AKT3: variants seen among roughly 807,000 people sequenced by gnomAD.
AKT3 encodes the protein AKT serine/threonine kinase 3.
AKT3 carries 15 observed loss-of-function variants against 65.3 expected under a neutral mutation model. The ratio of observed to expected loss-of-function variants is 0.23; its 90% CI spans 0.15 to 0.35. AKT3 has a LOEUF of 0.35. Among genes scored for constraint, AKT3 ranks in the 10% least tolerant of loss-of-function variants. The pLI is 1.00. For missense variants in AKT3, 243 were observed against 576.5 expected (o/e 0.42, Z 5.92); for synonymous variants, 206 against 183.8 (o/e 1.12, Z -0.98).
intron 2 of AKT3, among the ~76,000 whole-genome samples, chr1:243,839,669 T>C (rs1695116307): frequency 6.6e-6 from 1 of 152,098 alleles, no homozygotes; most frequent in South Asian, 2.1e-4. Flanking sequence ...CCTTTTTTTA[T>C]TTTCCAAGAA....
At chr1:243,695,747 G>T (rs757195526) in intron 2 of AKT3, 31 bp from the exon 3 acceptor site, 5 of 1,544,198 alleles carry the variant, frequency 3.2e-6, no homozygotes, top group South Asian at 1.3e-5. Context: ...TGTTAATGCT[G>T]AAAAAAATGA....
intron 2 of AKT3, among the ~76,000 whole-genome samples, chr1:243,810,838 T>C (rs1468651085): frequency 6.6e-6 from 1 of 152,192 alleles, no homozygotes; most frequent in African/African-American, 2.4e-5. Context: ...CATGATCAAG[T>C]GGGCTTCATC....
chr1:243,640,687 C>G (rs1184569147), intron 5 of AKT3, among the ~76,000 whole-genome samples: 23 of 152,220 alleles, frequency 1.5e-4, no homozygotes. Context: ...GCCCCAGACA[C>G]ATAAGGAAGG....
intron 6 of AKT3, among the ~76,000 whole-genome samples, chr1:243,629,684 C>G (rs1319360658): frequency 6.6e-6 from 1 of 151,902 alleles, no homozygotes; most frequent in Non-Finnish European, 1.5e-5. Context: ...CCCAGCTACT[C>G]AGGAGGCTGA....
At chr1:243,602,919 C>T (rs945625406) in intron 8 of AKT3, among the ~76,000 whole-genome samples, 4 of 152,080 alleles carry the variant, frequency 2.6e-5, no homozygotes, top group African/African-American at 9.7e-5. Flanking sequence ...GAGAGATTTG[C>T]AGAGGTCCAA....
At chr1:243,709,238 G>T (rs1685995870) in intron 2 of AKT3, among the ~76,000 whole-genome samples, 1 of 146,214 alleles carries the variant, frequency 6.8e-6, no homozygotes, top group African/African-American at 2.5e-5. Flanking sequence ...AACTTTCCAG[G>T]TCCCACCACT....
chr1:243,827,281 A>G (rs1386124599), intron 2 of AKT3, among the ~76,000 whole-genome samples: 2 of 152,164 alleles, frequency 1.3e-5, no homozygotes, highest in East Asian at 3.8e-4. Flanking sequence ...ACAGGACCAC[A>G]TATACACAAG....
chr1:243,520,304 G>A (rs1486203415), intron 12 of AKT3, among the ~76,000 whole-genome samples: 1 of 152,122 alleles, frequency 6.6e-6, no homozygotes, highest in African/African-American at 2.4e-5. Context: ...TGCAAGCCAC[G>A]GACAGACACC....
At chr1:243,668,790 C>T (rs1207415620) in intron 3 of AKT3, among the ~76,000 whole-genome samples, 3 of 151,934 alleles carry the variant, frequency 2.0e-5, no homozygotes, top group Non-Finnish European at 4.4e-5. Context: ...ATAAAGAATG[C>T]AAGGCAAGGG....
chr1:243,841,846 A>G (rs1410731324), intron 2 of AKT3, among the ~76,000 whole-genome samples: 2 of 152,216 alleles, frequency 1.3e-5, no homozygotes, highest in Non-Finnish European at 2.9e-5. Flanking sequence ...ATAAAAAAAA[A>G]GCTAATGATA....
intron 13 of AKT3, chr1:243,489,112 C>T (rs746212924): frequency 6.2e-7 from 1 of 1,612,968 alleles, no homozygotes; most frequent in Non-Finnish European, 8.5e-7. Context: ...CAGAGCCTGT[C>T]GGAAGAGGTG....
chr1:243,535,166 A>ATATTTAAAATTTTAAAATG, intron 12 of AKT3, among the ~76,000 whole-genome samples: 1 of 124,328 alleles, frequency 8.0e-6, no homozygotes, highest in East Asian at 2.0e-4. Context: ...ATTTTAAAAT[A>ATATTTAAAATTTTAAAATG]TATTTAAAAT....
At chr1:243,811,568 A>C (rs1693157745) in intron 2 of AKT3, among the ~76,000 whole-genome samples, 2 of 152,222 alleles carry the variant, frequency 1.3e-5, no homozygotes, top group African/African-American at 2.4e-5. Context: ...GATAGGAAGA[A>C]TCAATATTGT....
chr1:243,835,374 G>A (rs546948087), intron 2 of AKT3, among the ~76,000 whole-genome samples: 1 of 151,928 alleles, frequency 6.6e-6, no homozygotes, highest in African/African-American at 2.4e-5. Context: ...TACCTATAGG[G>A]TACTATGTTT....
At chr1:243,785,945 C>A (rs1345424515) in intron 2 of AKT3, among the ~76,000 whole-genome samples, 1 of 152,298 alleles carries the variant, frequency 6.6e-6, no homozygotes, top group Admixed American at 6.5e-5. Flanking sequence ...AGTACAGTGG[C>A]CTTAACCAAT....
intron 2 of AKT3, among the ~76,000 whole-genome samples, chr1:243,748,115 G>A (rs1218709532): frequency 6.6e-6 from 1 of 152,088 alleles, no homozygotes. Flanking sequence ...GCATGCCTGG[G>A]TATTGTTTAT....
intron 4 of AKT3, among the ~76,000 whole-genome samples, chr1:243,647,841 T>C (rs750015227): frequency 2.6e-5 from 4 of 152,252 alleles, no homozygotes; most frequent in South Asian, 2.1e-4. Flanking sequence ...AGGAATAACA[T>C]TGTTTTCATC....
At chr1:243,578,476 TG>T (rs1468131992) in intron 8 of AKT3, among the ~76,000 whole-genome samples, 1 of 152,100 alleles carries the variant, frequency 6.6e-6, no homozygotes, top group Non-Finnish European at 1.5e-5. Context: ...AAGTGGGAGC[TG>T]AACAATGAGA....
intron 2 of AKT3, among the ~76,000 whole-genome samples, chr1:243,720,155 G>A (rs146961194): frequency 7.4e-4 from 113 of 151,846 alleles, no homozygotes; most frequent in African/African-American, 2.1e-3. Flanking sequence ...AAAATTGCCC[G>A]GAGAATGGTG....
Sources: gnomAD v4.1 joint callset for allele counts (sites outside exome capture counted in the v4.1 genomes callset) on GRCh38, gnomAD v4.1.1 for gene constraint, MANE v1.5 for transcripts, NCBI Gene and HGNC (gene_info 2026-07-23, HGNC 2026-07-21) for gene names.